Variants in KCNJ3 observed in about 807,000 individuals in gnomAD.
The protein encoded by KCNJ3 is potassium inwardly rectifying channel subfamily J member 3.
In KCNJ3, 4 loss-of-function variants were observed where a neutral mutation model predicts 39.2. The ratio of observed to expected loss-of-function variants is 0.10; its 90% CI spans 0.05 to 0.23. The LOEUF (loss-of-function observed/expected upper bound fraction) is 0.23. Ranked by LOEUF, KCNJ3 falls within the 10% of genes least tolerant of loss-of-function variation. The pLI is 1.00. For synonymous variants in KCNJ3, 230 were observed against 237.4 expected, an observed-to-expected ratio of 0.97 and a Z score of 0.29; for missense variants, 276 against 634.9, an observed-to-expected ratio of 0.43 and a Z score of 6.08.
At position 154,703,062 on chromosome 2, in the gene KCNJ3, C is replaced by T. The variant is rs1011252032; in HGVS notation, c.702+3585C>T. Among the ~76,000 whole-genome samples, 13 of 152,068 alleles carry T rather than the reference C, an allele frequency of 8.5e-5. No homozygotes were observed. The East Asian group carries it at 2.5e-3, about 29-fold the overall frequency. ...AAGGATTTGGAAGTCTTACTTACCCCTTTCTACCAACCTAATAATAATGGT... is the reference window on the plus strand; with the variant it reads ...AAGGATTTGGAAGTCTTACTTACCCTTTTCTACCAACCTAATAATAATGGT... On this transcript the variant is annotated intron_variant, in intron 1 of 2. Coordinates refer to ENST00000295101, the MANE Select transcript of KCNJ3 (RefSeq NM_002239.4).
intron 2 of KCNJ3, among the ~76,000 whole-genome samples, chr2:154,727,514 C>T (rs1229704674): frequency 6.8e-6 from 1 of 146,920 alleles, no homozygotes; most frequent in African/African-American, 2.5e-5. Context: ...ATCACTTGAA[C>T]CCAGGGGGCG....
chr2:154,728,382 T>C (rs1331082986), intron 2 of KCNJ3, among the ~76,000 whole-genome samples: 2 of 152,192 alleles, frequency 1.3e-5, no homozygotes, highest in African/African-American at 2.4e-5. Flanking sequence ...TGGGCAGCCA[T>C]GCAAATGTCA....
intron 2 of KCNJ3, among the ~76,000 whole-genome samples, chr2:154,764,467 G>A (rs192081612): frequency 2.0e-5 from 3 of 152,238 alleles, no homozygotes; most frequent in Admixed American, 6.5e-5. Context: ...CCTGGCATTG[G>A]CATGAATAAT....
Position 154,709,679 on chromosome 2 carries a change from A to G in KCNJ3, c.779A>G (p.Asp260Gly). The G allele has an allele frequency of 1.2e-6, 2 of 1,613,912 alleles. No homozygotes were observed. Among genetic ancestry groups the G allele is most frequent in the Non-Finnish European group, 1.7e-6 (2 of 1,179,904 alleles). ...ELDVGFSTGA[D>G]QLFLVSPLTI... ...GATGTAGGTTTTAGTACAGGGGCAG[A>G]TCAACTTTTTCTTGTGTCCCCCCTC... The change falls in exon 2 of 3, where the codon GAT becomes GGT. Residue 260 changes from aspartate to glycine, a missense_variant. Asp to Gly is a moderately conservative substitution (Grantham distance 94). This residue lies in a region of KCNJ3 where 77 missense variants were observed against 200.0 expected (regional missense o/e 0.38). Transcript: ENST00000295101.
chr2:154,717,713 G>T (rs1574433012), intron 2 of KCNJ3, among the ~76,000 whole-genome samples: 1 of 152,136 alleles, frequency 6.6e-6, no homozygotes, highest in African/African-American at 2.4e-5. Context: ...GTGAAAAACA[G>T]CTAGGAATTT....
rs1418992641 is a variant in KCNJ3 at position 154,713,102 on chromosome 2, T to C, written c.919+3283T>C. ...AGGAAGGGCCTATCTGCATTCTAGATGGTTTTATTGCAGCAATAGGAAGTG... is the reference window on the plus strand; with the variant it reads ...AGGAAGGGCCTATCTGCATTCTAGACGGTTTTATTGCAGCAATAGGAAGTG... On this transcript the variant is annotated intron_variant, in intron 2 of 2. Coordinates refer to ENST00000295101, the MANE Select transcript of KCNJ3 (RefSeq NM_002239.4). 6.6e-5 allele frequency among the ~76,000 whole-genome samples: 10 copies of C among 151,940 alleles called. No homozygotes were observed. The South Asian group carries it at 1.7e-3, about 25-fold the overall frequency.
At chr2:154,766,456 T>C (rs1686137850) in intron 2 of KCNJ3, among the ~76,000 whole-genome samples, 1 of 152,082 alleles carries the variant, frequency 6.6e-6, no homozygotes, top group Non-Finnish European at 1.5e-5. Flanking sequence ...GAAACCGGTA[T>C]TGATTTTAGA....
chr2:154,854,288 A>G (rs1358060967), intron 2 of KCNJ3, among the ~76,000 whole-genome samples: 2 of 152,212 alleles, frequency 1.3e-5, no homozygotes, highest in South Asian at 2.1e-4. Context: ...GAATAAAGTG[A>G]TACTCAGTTA....
intron 2 of KCNJ3, among the ~76,000 whole-genome samples, chr2:154,717,854 T>A (rs940091216): frequency 2.0e-5 from 3 of 152,244 alleles, no homozygotes; most frequent in African/African-American, 4.8e-5. Context: ...TTTAGTGATC[T>A]GTCAAAAGAC....
chr2:154,776,157 A>G (rs1330651666), intron 2 of KCNJ3, among the ~76,000 whole-genome samples: 1 of 151,778 alleles, frequency 6.6e-6, no homozygotes, highest in Non-Finnish European at 1.5e-5. Flanking sequence ...ACACACCCCC[A>G]CGCCAGGCTA....
At chr2:154,838,715 A>T (rs1425581673) in intron 2 of KCNJ3, among the ~76,000 whole-genome samples, 1 of 137,366 alleles carries the variant, frequency 7.3e-6, no homozygotes, top group Non-Finnish European at 1.6e-5. Flanking sequence ...AACATTGTAA[A>T]GCATGACATT....
At chr2:154,832,500 G>GTGAT (rs1245202799) in intron 2 of KCNJ3, among the ~76,000 whole-genome samples, 2 of 152,150 alleles carry the variant, frequency 1.3e-5, no homozygotes, top group African/African-American at 4.8e-5. Context: ...TGGATCTTAT[G>GTGAT]TGATAACACT....
At chr2:154,811,459 TG>T (rs1446939815) in intron 2 of KCNJ3, among the ~76,000 whole-genome samples, 1 of 152,022 alleles carries the variant, frequency 6.6e-6, no homozygotes, top group Non-Finnish European at 1.5e-5. Flanking sequence ...GCTAAATTTT[TG>T]TTTTTGTATT....
intron 2 of KCNJ3, among the ~76,000 whole-genome samples, chr2:154,824,729 G>A (rs985785313): frequency 5.3e-5 from 8 of 152,134 alleles, no homozygotes; most frequent in South Asian, 4.1e-4. Context: ...AACCATTGTC[G>A]TGTATGGAAA....
At chr2:154,719,227 A>T (rs1020349422) in intron 2 of KCNJ3, among the ~76,000 whole-genome samples, 2 of 152,204 alleles carry the variant, frequency 1.3e-5, no homozygotes, top group African/African-American at 4.8e-5. Context: ...ACTAAAGTAT[A>T]GGACTCCTCC....
At chr2:154,767,501 C>T (rs1686157335) in intron 2 of KCNJ3, among the ~76,000 whole-genome samples, 1 of 152,172 alleles carries the variant, frequency 6.6e-6, no homozygotes, top group Admixed American at 6.5e-5. Context: ...CATGTCCCTA[C>T]AAAGGACGTG....
At chr2:154,807,930 C>T (rs975084971) in intron 2 of KCNJ3, among the ~76,000 whole-genome samples, 3 of 152,014 alleles carry the variant, frequency 2.0e-5, no homozygotes, top group Non-Finnish European at 4.4e-5. Flanking sequence ...GTTTCCTCCC[C>T]AGGTGTTGGA....
Position 154,855,906 on chromosome 2 carries a change from C to T in KCNJ3, c.*593C>T, listed in dbSNP as rs574199546. ...GGCTACTGGCATTAATTATTAATAC[C>T]AAATATTTTAGCCTTAAATTTTTGT... is the stretch of plus-strand genomic sequence containing the variant. On this transcript the variant is annotated 3_prime_UTR_variant, in exon 3 of 3. Transcript: ENST00000295101. The T allele has an allele frequency of 6.6e-6, 1 of 152,386 alleles. No individual in the cohort carries two copies. Among genetic ancestry groups the T allele is most frequent in the South Asian group, 2.1e-4 (1 of 4,794 alleles). The allele number at this position is 152,386 out of a possible 1,614,324, so 9.4% of individuals were successfully genotyped here. A position where few individuals can be genotyped will look rare whatever the true frequency, so the allele number is the denominator to read the frequency against.
At position 154,855,553 on chromosome 2, in the gene KCNJ3, G is replaced by T. The variant is rs1296775367; in HGVS notation, c.*240G>T. 2 of 344,848 alleles carry T rather than the reference G, an allele frequency of 5.8e-6. No individual in the cohort carries two copies. The highest frequency in any genetic ancestry group is 4.6e-5 in the East Asian group (1 of 21,642). 21.4% of individuals were successfully genotyped at this position (344,848 alleles called of 1,614,324 possible). ...TATCACATCAAGCATGCAATAATGT[G>T]CAAATTTTGCATTTAGTTTTATGGC... On this transcript the variant is annotated 3_prime_UTR_variant, in exon 3 of 3. Transcript: ENST00000295101.
Sources: allele counts gnomAD v4.1 joint callset (sites outside exome capture counted in the v4.1 genomes callset), GRCh38; gene constraint gnomAD v4.1.1; regional missense constraint gnomAD v4.1.1; transcripts MANE v1.5; gene names NCBI Gene and HGNC (gene_info 2026-07-23, HGNC 2026-07-21).